BLTP2: variants seen among roughly 807,000 people sequenced by gnomAD.
The protein encoded by BLTP2 is U937-associated antigen.
chr17:28,629,500 CAG>C, the BLTP2 span, among the ~76,000 whole-genome samples: 1 of 151,986 alleles, frequency 6.6e-6, no homozygotes, highest in Non-Finnish European at 1.5e-5. Context: ...TTTTTGGAAA[CAG>C]AGTCTCACTC....
chr17:28,634,441 C>T, the BLTP2 span: 1 of 1,226,070 alleles, frequency 8.2e-7, no homozygotes, highest in Non-Finnish European at 1.1e-6. Context: ...TAACCTAGTT[C>T]CTCTGAAATC....
At chr17:28,628,915 CAGAG>C in the BLTP2 span, among the ~76,000 whole-genome samples, 5 of 149,510 alleles carry the variant, frequency 3.3e-5, no homozygotes, top group South Asian at 2.1e-4. Flanking sequence ...GCCCAGGCGA[CAGAG>C]AGAGACGCAG....
At chr17:28,635,052 C>A in the BLTP2 span, 1 of 1,613,582 alleles carries the variant, frequency 6.2e-7, no homozygotes, top group Non-Finnish European at 8.5e-7. Flanking sequence ...TCAGCCACTT[C>A]TGAACTCCCA....
At chr17:28,642,303 T>G in the BLTP2 span, 2 of 1,614,110 alleles carry the variant, frequency 1.2e-6, no homozygotes, top group Admixed American at 3.3e-5. Context: ...AACTTTGCTG[T>G]TGATCTTACA....
chr17:28,625,663 A>T, the BLTP2 span, among the ~76,000 whole-genome samples: 1 of 151,570 alleles, frequency 6.6e-6, no homozygotes, highest in Non-Finnish European at 1.5e-5. Context: ...TCTCCCTTAA[A>T]CTCCTCCTTC....
At chr17:28,643,564 T>C in the BLTP2 span, 1 of 1,578,156 alleles carries the variant, frequency 6.3e-7, no homozygotes, top group Non-Finnish European at 8.7e-7. Context: ...AAACACCAAC[T>C]CCAAAGTACT....
chr17:28,638,378 C>T, the BLTP2 span: 1 of 1,614,158 alleles, frequency 6.2e-7, no homozygotes. Context: ...TTAGGACGCC[C>T]CGCTGATGGA....
chr17:28,640,307 C>A, the BLTP2 span: 1 of 499,224 alleles, frequency 2.0e-6, no homozygotes, highest in Admixed American at 3.4e-5. Context: ...GCAGGAGAAT[C>A]GCTTGAACCT....
the BLTP2 span, chr17:28,634,139 C>A: frequency 6.7e-7 from 1 of 1,493,836 alleles, no homozygotes; most frequent in East Asian, 2.3e-5. Context: ...TCTGAGCACT[C>A]TCGGGCCTAT....
chr17:28,634,128 G>C, the BLTP2 span: 2 of 1,552,148 alleles, frequency 1.3e-6, no homozygotes, highest in Non-Finnish European at 1.8e-6. Context: ...CTCAGGGGCA[G>C]TCTGAGCACT....
the BLTP2 span, chr17:28,643,792 T>C: frequency 8.8e-4 from 840 of 950,370 alleles, no homozygotes; most frequent in Non-Finnish European, 1.3e-3. Flanking sequence ...CCATCTTAAA[T>C]TAGAACAGTA....
At chr17:28,633,769 A>G in the BLTP2 span, 1 of 1,610,208 alleles carries the variant, frequency 6.2e-7, no homozygotes, top group Non-Finnish European at 8.5e-7. Flanking sequence ...AGAGGAACAA[A>G]GGCTATAACT....
chr17:28,642,088 T>C, the BLTP2 span: 1 of 1,612,816 alleles, frequency 6.2e-7, no homozygotes, highest in Non-Finnish European at 8.5e-7. Context: ...CCTGTGGGGA[T>C]GATAAGCCTC....
the BLTP2 span, among the ~76,000 whole-genome samples, chr17:28,626,649 T>C: frequency 6.6e-6 from 1 of 152,168 alleles, no homozygotes; most frequent in East Asian, 1.9e-4. Flanking sequence ...CATGCCTACA[T>C]AATGAAGTCT....
the BLTP2 span, chr17:28,640,087 TTA>T: frequency 1.3e-6 from 2 of 1,585,926 alleles, no homozygotes; most frequent in Non-Finnish European, 1.7e-6. Context: ...TCTTTTACTT[TTA>T]TTTTTTAAAA....
the BLTP2 span, chr17:28,620,732 C>A: frequency 5.9e-6 from 8 of 1,346,048 alleles, no homozygotes; most frequent in Non-Finnish European, 7.3e-6. Context: ...GTCAACCCCA[C>A]AGAAAGGGTG....
the BLTP2 span, chr17:28,615,315 C>T: frequency 1.5e-6 from 2 of 1,348,714 alleles, no homozygotes; most frequent in Non-Finnish European, 1.0e-6. Context: ...TCAAAATGAA[C>T]CAAGACAATA....
chr17:28,634,475 C>A, the BLTP2 span: 1 of 1,568,488 alleles, frequency 6.4e-7, no homozygotes, highest in East Asian at 2.2e-5. Context: ...CAGAGCTCAG[C>A]GGGCAAACAC....
At chr17:28,615,170 A>G in the BLTP2 span, 1 of 1,614,130 alleles carries the variant, frequency 6.2e-7, no homozygotes, top group Non-Finnish European at 8.5e-7. Flanking sequence ...TTGCATGTTC[A>G]GGTCCGATTT....
Sources: allele counts gnomAD v4.1 joint callset (sites outside exome capture counted in the v4.1 genomes callset), GRCh38; gene constraint gnomAD v4.1.1; transcripts MANE v1.5; gene names NCBI Gene and HGNC (gene_info 2026-07-23, HGNC 2026-07-21).